D2HGDH: variants seen among roughly 807,000 people sequenced by gnomAD.
D2HGDH encodes D-2-hydroxyglutarate dehydrogenase.
D2HGDH carries 31 observed loss-of-function variants against 46.9 expected under a neutral mutation model. The observed-to-expected ratio is 0.66, with a 90% confidence interval of 0.50 to 0.89. The LOEUF (loss-of-function observed/expected upper bound fraction) is 0.89, where lower values mean the gene tolerates loss of function less well. Among genes scored for constraint, D2HGDH ranks in the 40% least tolerant of loss-of-function variants. The probability of loss-of-function intolerance (pLI) is 0.00; values close to 1 mark genes in which losing one functional copy is unlikely to be tolerated. For missense variants in D2HGDH, 698 were observed against 720.8 expected, an observed-to-expected ratio of 0.97 and a Z score of 0.36; for synonymous variants, 364 against 332.6, an observed-to-expected ratio of 1.09 and a Z score of -1.03.
intron 2 of D2HGDH, among the ~76,000 whole-genome samples, chr2:241,740,583 G>A (rs909852323): frequency 1.6e-4 from 24 of 152,264 alleles, no homozygotes; most frequent in Admixed American, 7.8e-4. Flanking sequence ...GCAGTGTTGC[G>A]ATCATAGCTC....
Position 241,767,939 on chromosome 2 carries a change from C to T in D2HGDH, c.1536C>T (p.Asn512=), listed in dbSNP as rs1699289570. ...TGCTGGACCCCAAGGGCATCCTCAACCCCTACAAGACGCTGCCCAGCCAGG... is the reference window on the plus strand; with the variant it reads ...TGCTGGACCCCAAGGGCATCCTCAATCCCTACAAGACGCTGCCCAGCCAGG... ...KALLDPKGIL[N]PYKTLPSQA Residue 512 remains asparagine, a synonymous_variant, in exon 10 of 10, where the codon AAC becomes AAT. Coordinates refer to ENST00000321264, the MANE Select transcript of D2HGDH (RefSeq NM_152783.5). 1 of 1,599,208 alleles carries T rather than the reference C, an allele frequency of 6.3e-7. No individual in the cohort carries two copies. The highest frequency in any genetic ancestry group is 1.1e-5 in the South Asian group (1 of 89,388).
rs762202718 is a variant in D2HGDH at position 241,750,317 on chromosome 2, G to A, written c.997+23G>A. The A allele has an allele frequency of 4.4e-6, 7 of 1,586,936 alleles. No homozygotes were observed. The South Asian group carries it at 6.6e-5, about 15-fold the overall frequency. On this transcript the variant is annotated intron_variant, in intron 7 of 9. Coordinates refer to ENST00000321264, the MANE Select transcript of D2HGDH (RefSeq NM_152783.5). ...AAGGTACTGACCCCCCACACAGGGG[G>A]CAGCTGGTCCTGCAGCTCCTTCTGC...
rs953731168 is a variant in D2HGDH, at chr2:241,768,716, G to A, written c.*747G>A. 2.6e-5 allele frequency: 4 copies of A among 152,232 alleles called. No homozygotes were observed. Among genetic ancestry groups the A allele is most frequent in the African/African-American group, 7.2e-5 (3 of 41,420 alleles). 9.4% of individuals were successfully genotyped at this position (152,232 alleles called of 1,614,324 possible). On this transcript the variant is annotated 3_prime_UTR_variant, in exon 10 of 10. Transcript: ENST00000321264. Reference sequence around the variant, plus strand: ...GCCACTGCAGAGTGTGTTTCTGCTCGTCAGCTGCCCTGGGCAGCGGATGGG... The same window carrying A: ...GCCACTGCAGAGTGTGTTTCTGCTCATCAGCTGCCCTGGGCAGCGGATGGG...
Position 241,753,468 on chromosome 2 carries a change from G to T in D2HGDH, c.1140+2080G>T, listed in dbSNP as rs369981934. Among the ~76,000 whole-genome samples, 50 of 152,060 alleles carry T rather than the reference G, an allele frequency of 3.3e-4. 1 individual carries two copies. Among genetic ancestry groups the T allele is most frequent in the African/African-American group, 1.2e-3 (49 of 41,466 alleles). ...CTGAGGCTTTTCTCTGCTGTTGTCCGGTGTTGGCGAGGCTCTGGGCAGGTC... is the reference window on the plus strand; with the variant it reads ...CTGAGGCTTTTCTCTGCTGTTGTCCTGTGTTGGCGAGGCTCTGGGCAGGTC... On this transcript the variant is annotated intron_variant, in intron 8 of 9. Coordinates refer to ENST00000321264, the MANE Select transcript of D2HGDH (RefSeq NM_152783.5).
chr2:241,754,791 C>CG (rs1037008977), intron 8 of D2HGDH: 4 of 272,048 alleles, frequency 1.5e-5, no homozygotes, highest in African/African-American at 9.0e-5. Flanking sequence ...TTTTAAGAGA[C>CG]GGGGTCTCCC....
At chr2:241,753,354 C>G (rs1025287353) in intron 8 of D2HGDH, among the ~76,000 whole-genome samples, 1 of 149,194 alleles carries the variant, frequency 6.7e-6, no homozygotes, top group Non-Finnish European at 1.5e-5. Flanking sequence ...CTGCTGTTGT[C>G]CGGTGTTGGC....
chr2:241,762,678 C>CA lies in D2HGDH; in HGVS notation c.1307-5031dup, dbSNP rs562570818. Among the ~76,000 whole-genome samples, 12 of 152,276 alleles carry CA rather than the reference C, an allele frequency of 7.9e-5. No homozygotes were observed. In the South Asian group the frequency reaches 2.5e-3, roughly 32 times the overall value. ...GCCTCTCAGGTTTGGATGCTATTTG[C>CA]AGTGTCTCCAGCTTGGCGTTCTCTG... On this transcript the variant is annotated intron_variant, in intron 9 of 9. Coordinates refer to ENST00000321264, the MANE Select transcript of D2HGDH (RefSeq NM_152783.5).
intron 2 of D2HGDH, among the ~76,000 whole-genome samples, chr2:241,737,810 T>A (rs1313449560): frequency 6.6e-6 from 1 of 152,194 alleles, no homozygotes; most frequent in Non-Finnish European, 1.5e-5. Context: ...ATTGGTTGAC[T>A]CTTAATTTAC....
rs374007692 is a variant in D2HGDH at position 241,743,093 on chromosome 2, C to T, written c.490+519C>T. Among the ~76,000 whole-genome samples the T allele has an allele frequency of 8.9e-5, 13 of 146,536 alleles. 1 individual carries two copies. The highest frequency in any genetic ancestry group is 3.4e-4 in the African/African-American group (13 of 38,768). ...CGTGGCAGGCGTGAGGGGATCCTGA[C>T]CCAGGGTGCCAGGGCGTGGCAGGCA... On this transcript the variant is annotated intron_variant, in intron 4 of 9. Transcript: ENST00000321264. The surrounding 1 kb of genome is among the most constrained non-coding windows in gnomAD (Gnocchi z 4.8).
chr2:241,743,212 G>A lies in D2HGDH; in HGVS notation c.491-410G>A, dbSNP rs150504386. ...TCCAGGCCCCGGTCACTCTGTGGTC[G>A]GGCGCCTGCACTGTTGGGTGTTGAG... On this transcript the variant is annotated intron_variant, in intron 4 of 9. Transcript: ENST00000321264. The surrounding 1 kb of genome is among the most constrained non-coding windows in gnomAD (Gnocchi z 4.8). Among the ~76,000 whole-genome samples, 837 of 152,212 alleles carry A rather than the reference G, an allele frequency of 5.5e-3. 21 individuals are homozygous for A. Among genetic ancestry groups the A allele is most frequent in the East Asian group, 0.051 (261 of 5,156 alleles).
intron 9 of D2HGDH, among the ~76,000 whole-genome samples, chr2:241,763,123 C>G (rs4449174): frequency 0.12 from 18,920 of 152,226 alleles, 1,264 homozygotes; most frequent in South Asian, 0.2. Context: ...AGCGTGAGTT[C>G]CGGGTGCAGG....
chr2:241,746,898 A>G (rs1433955691), intron 6 of D2HGDH, among the ~76,000 whole-genome samples: 1 of 152,122 alleles, frequency 6.6e-6, no homozygotes, highest in East Asian at 1.9e-4. Context: ...AAAAAAAAAA[A>G]AAAAAACTTT....
At chr2:241,740,991 G>C (rs973249102) in intron 2 of D2HGDH, 42 bp from the exon 3 acceptor site, 1 of 1,566,104 alleles carries the variant, frequency 6.4e-7, no homozygotes, top group East Asian at 2.2e-5. Flanking sequence ...CTCATCTGCA[G>C]CTCCCCCCAC....
intron 6 of D2HGDH, among the ~76,000 whole-genome samples, 177 bp downstream of exon 6, chr2:241,745,054 C>T (rs1207950899): frequency 6.6e-6 from 1 of 152,132 alleles, no homozygotes; most frequent in Non-Finnish European, 1.5e-5. Flanking sequence ...CCTGGCCTTC[C>T]TGGTGGTCAT....
Position 241,743,606 on chromosome 2 carries a change from T to A in D2HGDH, c.491-16T>A. The A allele has an allele frequency of 6.2e-7, 1 of 1,610,814 alleles. No individual in the cohort carries two copies. Among genetic ancestry groups the A allele is most frequent in the Non-Finnish European group, 8.5e-7 (1 of 1,179,124 alleles). On this transcript the variant is annotated splice_polypyrimidine_tract_variant and intron_variant, in intron 4 of 9. Transcript: ENST00000321264. The surrounding 1 kb of genome is among the most constrained non-coding windows in gnomAD (Gnocchi z 4.8). ...CTGGAAGCCAAGTGCTGCGGCAGCCTGGTCACTCTCTGCAGGAATTCTGGT... is the reference window on the plus strand; with the variant it reads ...CTGGAAGCCAAGTGCTGCGGCAGCCAGGTCACTCTCTGCAGGAATTCTGGT...
In D2HGDH at chr2:241,750,313, G is replaced by T; in HGVS notation, c.997+19G>T. 1 of 1,608,098 alleles carries T rather than the reference G, an allele frequency of 6.2e-7. No homozygotes were observed. Among genetic ancestry groups the T allele is most frequent in the Non-Finnish European group, 8.5e-7 (1 of 1,178,666 alleles). ...GTGCAAGGTACTGACCCCCCACACA[G>T]GGGGCAGCTGGTCCTGCAGCTCCTT... On this transcript the variant is annotated intron_variant, in intron 7 of 9. Transcript: ENST00000321264.
chr2:241,753,693 C>T (rs1223589894), intron 8 of D2HGDH, among the ~76,000 whole-genome samples: 1 of 152,246 alleles, frequency 6.6e-6, no homozygotes, highest in Non-Finnish European at 1.5e-5. Context: ...GCACCAGATG[C>T]CCCGGGCTCC....
At chr2:241,754,119 G>T (rs1697771396) in intron 8 of D2HGDH, among the ~76,000 whole-genome samples, 1 of 152,250 alleles carries the variant, frequency 6.6e-6, no homozygotes, top group Non-Finnish European at 1.5e-5. Context: ...AGTGACTGAG[G>T]CGTGAGCAGA....
At chr2:241,760,934 G>C (rs760314437) in intron 9 of D2HGDH, among the ~76,000 whole-genome samples, 32 of 152,146 alleles carry the variant, frequency 2.1e-4, no homozygotes, top group Non-Finnish European at 3.4e-4. Flanking sequence ...TTCTCTCTCT[G>C]TTTGTTTCTC....
Sources: allele counts gnomAD v4.1 joint callset (sites outside exome capture counted in the v4.1 genomes callset), GRCh38; gene constraint gnomAD v4.1.1; non-coding constraint Gnocchi (gnomAD v3.1); transcripts MANE v1.5; gene names NCBI Gene and HGNC (gene_info 2026-07-23, HGNC 2026-07-21).